Variants in REL observed in about 807,000 individuals in gnomAD.
REL encodes REL proto-oncogene, NF-kB subunit, also known as proto-oncogene c-Rel.
REL carries 15 observed loss-of-function variants against 45.9 expected under a neutral mutation model. The observed-to-expected ratio is 0.33, with a 90% CI of 0.22 to 0.50. The LOEUF is 0.50. Among genes scored for constraint, REL ranks in the 20% least tolerant of loss-of-function variants. REL has a pLI of 0.98. For missense variants in REL, 601 were observed against 715.2 expected, an observed-to-expected ratio of 0.84 and a Z score of 1.82; for synonymous variants, 239 against 242.1, an observed-to-expected ratio of 0.99 and a Z score of 0.12.
intron 3 of REL, among the ~76,000 whole-genome samples, chr2:60,897,404 T>C (rs966055339): frequency 1.3e-5 from 2 of 151,676 alleles, no homozygotes; most frequent in Admixed American, 1.3e-4. Context: ...CCCTCCCAAG[T>C]TCATGCAATT....
intron 4 of REL, among the ~76,000 whole-genome samples, chr2:60,907,970 GC>G: frequency 6.6e-6 from 1 of 152,000 alleles, no homozygotes; most frequent in African/African-American, 2.4e-5. Context: ...GGGATTACAG[GC>G]TTGAGCCACC....
intron 3 of REL, among the ~76,000 whole-genome samples, chr2:60,897,662 T>C (rs1673385595): frequency 6.6e-6 from 1 of 152,050 alleles, no homozygotes; most frequent in Admixed American, 6.6e-5. Context: ...CCAGAGATTC[T>C]TGGTTCCTTC....
Position 60,920,628 on chromosome 2 carries a change from G to A in REL, c.977G>A (p.Arg326Lys). 1.9e-6 allele frequency: 3 copies of A among 1,596,354 alleles called. No homozygotes were observed. Among genetic ancestry groups the A allele is most frequent in the Non-Finnish European group, 2.6e-6 (3 of 1,166,510 alleles). The change falls in exon 9 of 10, where the codon AGA (arginine) becomes AAA (lysine). Residue 326 changes from arginine (R) to lysine (K), a missense_variant. Arg to Lys is a conservative substitution (Grantham distance 26, BLOSUM62 2). Coordinates refer to ENST00000394479, the MANE Select transcript of REL (RefSeq NM_001291746.2). ...CTCCTCGGTTCAATTGGAGAAGGAA[G>A]ATACTTCAAAAAAGGTATTTTATTT... ...PGLLGSIGEG[R>K]YFKKEPNLFS...
At position 60,929,770 on chromosome 2, in the gene REL, G is replaced by T. The variant is rs1326980247; in HGVS notation, c.*7235G>T. 4 of 151,896 alleles carry T rather than the reference G, an allele frequency of 2.6e-5. No homozygotes were observed. Among genetic ancestry groups the T allele is most frequent in the Non-Finnish European group, 5.9e-5 (4 of 67,970 alleles). 9.4% of individuals were successfully genotyped at this position (151,896 alleles called of 1,614,324 possible). A position where few individuals can be genotyped will look rare whatever the true frequency, so the allele number is the denominator to read the frequency against. ...ACCAGCATGGCACATGTATACATAT[G>T]TAAGTAACCTGCACAATGTGCACAT... On this transcript the variant is annotated 3_prime_UTR_variant, in exon 10 of 10. Transcript: ENST00000394479.
At position 60,917,048 on chromosome 2, in the gene REL, C is replaced by G. The variant is rs769463593; in HGVS notation, c.535+31C>G. 3.8e-6 allele frequency: 6 copies of G among 1,563,842 alleles called. No individual in the cohort carries two copies. In the East Asian group the frequency reaches 1.1e-4, roughly 29 times the overall value. ...TACTTCATTTTCTTATATTTGTAGT[C>G]TTAACTTGTTTTTTGTAATAGTTTA... On this transcript the variant is annotated intron_variant, in intron 5 of 9. Coordinates refer to ENST00000394479, the MANE Select transcript of REL (RefSeq NM_001291746.2).
At chr2:60,915,174 A>G (rs1258047202) in intron 4 of REL, among the ~76,000 whole-genome samples, 2 of 152,180 alleles carry the variant, frequency 1.3e-5, no homozygotes, top group Non-Finnish European at 2.9e-5. Context: ...TTGTAGGTCT[A>G]TACCACACTT....
intron 1 of REL, among the ~76,000 whole-genome samples, chr2:60,886,445 T>C (rs1299854602): frequency 6.6e-6 from 1 of 152,198 alleles, no homozygotes; most frequent in African/African-American, 2.4e-5. Context: ...TTTTTTAAAT[T>C]TGGCACTGCC....
intron 3 of REL, chr2:60,900,397 T>A (rs996817781): frequency 2.0e-5 from 3 of 152,384 alleles, no homozygotes; most frequent in Non-Finnish European, 4.4e-5. Flanking sequence ...CATTTAATAT[T>A]GCTTTACTGT....
chr2:60,920,795 G>A (rs1416951327), intron 9 of REL, among the ~76,000 whole-genome samples, 153 bp downstream of exon 9: 1 of 152,110 alleles, frequency 6.6e-6, no homozygotes, highest in African/African-American at 2.4e-5. Context: ...AATTAAGCAT[G>A]GCTTCTGAAG....
intron 4 of REL, among the ~76,000 whole-genome samples, chr2:60,915,436 G>A (rs1346204038): frequency 6.6e-6 from 1 of 152,132 alleles, no homozygotes; most frequent in Non-Finnish European, 1.5e-5. Context: ...TGACCTTTCA[G>A]TTGTACAGAG....
chr2:60,927,554 A>G lies in REL; in HGVS notation c.*5019A>G, dbSNP rs1674295842. On this transcript the variant is annotated 3_prime_UTR_variant, in exon 10 of 10. Transcript: ENST00000394479. ...GTTTAATCTCAGGTCTCCCTCATAC[A>G]CTTCTCAGCCTCAGCACCTAACCCT... The G allele has an allele frequency of 4.4e-6, 1 of 229,714 alleles. No homozygotes were observed. Among genetic ancestry groups the G allele is most frequent in the Non-Finnish European group, 8.6e-6 (1 of 115,796 alleles). The allele number at this position is 229,714 out of a possible 1,614,324, so 14.2% of individuals were successfully genotyped here. A position where few individuals can be genotyped will look rare whatever the true frequency, so the allele number is the denominator to read the frequency against.
At chr2:60,887,967 A>C (rs1011412086) in intron 1 of REL, among the ~76,000 whole-genome samples, 2 of 150,512 alleles carry the variant, frequency 1.3e-5, no homozygotes, top group Non-Finnish European at 3.0e-5. Flanking sequence ...TCACTCTGTC[A>C]CCCAGGCTAG....
intron 4 of REL, among the ~76,000 whole-genome samples, chr2:60,904,593 A>G (rs1359270345): frequency 2.0e-5 from 3 of 150,382 alleles, no homozygotes; most frequent in African/African-American, 7.3e-5. Context: ...TTAAAAAAAA[A>G]AAAAATCAAG....
chr2:60,889,042 A>G (rs763964465), intron 1 of REL, among the ~76,000 whole-genome samples: 3 of 152,190 alleles, frequency 2.0e-5, no homozygotes, highest in Non-Finnish European at 4.4e-5. Context: ...GCATCAAAAT[A>G]TTCATTGATT....
rs780915218 is a variant in REL, at chr2:60,891,675, CT to C, written c.11-4del. 16 of 1,591,936 alleles carry C rather than the reference CT, an allele frequency of 1.0e-5. No homozygotes were observed. Among genetic ancestry groups the C allele is most frequent in the East Asian group, 2.3e-5 (1 of 44,130 alleles). ...TCACTGACCTCCTCCTTTTTAAAAA[CT>C]TTTCAGGTGCGTATAACCCGTATAT... On this transcript the variant is annotated splice_polypyrimidine_tract_variant and splice_region_variant and intron_variant, in intron 1 of 9. Transcript: ENST00000394479.
chr2:60,917,705 T>TGTGTGTGC (rs1674017954), intron 5 of REL, among the ~76,000 whole-genome samples: 1 of 150,284 alleles, frequency 6.7e-6, no homozygotes, highest in African/African-American at 2.5e-5. Flanking sequence ...TGTGTGTGTG[T>TGTGTGTGC]GTGTGTGTGT....
intron 2 of REL, among the ~76,000 whole-genome samples, chr2:60,892,056 G>A (rs1573316018): frequency 6.6e-6 from 1 of 151,986 alleles, no homozygotes; most frequent in African/African-American, 2.4e-5. Flanking sequence ...GTTCTATGGT[G>A]CTTGTGTATT....
chr2:60,906,897 A>G (rs1214572540), intron 4 of REL, among the ~76,000 whole-genome samples: 1 of 101,986 alleles, frequency 9.8e-6, no homozygotes, highest in African/African-American at 4.2e-5. Flanking sequence ...GTGTGTGTAT[A>G]TATATATATA....
intron 2 of REL, among the ~76,000 whole-genome samples, chr2:60,892,978 C>A (rs1313849295): frequency 6.6e-6 from 1 of 152,184 alleles, no homozygotes. Flanking sequence ...TGGTCTCAAT[C>A]TCCTGACCTC....
Sources: allele counts gnomAD v4.1 joint callset (sites outside exome capture counted in the v4.1 genomes callset), GRCh38; gene constraint gnomAD v4.1.1; transcripts MANE v1.5; gene names NCBI Gene and HGNC (gene_info 2026-07-23, HGNC 2026-07-21).